Variants in ETNK1 observed in about 807,000 individuals in gnomAD.
ETNK1 encodes the protein ethanolamine kinase 1, also known as putative protein product of Nbla10396.
Under a neutral mutation model 45.1 loss-of-function variants are expected in ETNK1, and 8 were observed. The ratio of observed to expected loss-of-function variants is 0.18; its 90% CI spans 0.10 to 0.32. The LOEUF (loss-of-function observed/expected upper bound fraction) is 0.32, where lower values mean the gene tolerates loss of function less well. Ranked by LOEUF, ETNK1 falls within the 10% of genes least tolerant of loss-of-function variation. The pLI is 1.00. For missense variants in ETNK1, 302 were observed against 430.6 expected (o/e 0.70, Z 2.64); for synonymous variants, 152 against 151.9 (o/e 1.00, Z -0.01).
intron 6 of ETNK1, among the ~76,000 whole-genome samples, chr12:22,675,306 G>A (rs1329729644): frequency 1.3e-5 from 2 of 151,402 alleles, no homozygotes; most frequent in African/African-American, 2.4e-5. Flanking sequence ...GATTCTTCCC[G>A]GCTCAGCCTC....
intron 6 of ETNK1, among the ~76,000 whole-genome samples, chr12:22,682,746 C>T (rs1196257206): frequency 6.6e-6 from 1 of 152,098 alleles, no homozygotes; most frequent in African/African-American, 2.4e-5. Flanking sequence ...CTTAAGGTAA[C>T]AGTAGTTTCA....
At chr12:22,684,451 A>C in intron 6 of ETNK1, 32 bp from the exon 7 acceptor site, 2 of 1,493,828 alleles carry the variant, frequency 1.3e-6, no homozygotes, top group Non-Finnish European at 1.9e-6. Context: ...ATTCATTATC[A>C]TAATTTTTGA....
chr12:22,660,861 G>A (rs1953992557), intron 3 of ETNK1, among the ~76,000 whole-genome samples: 2 of 151,914 alleles, frequency 1.3e-5, no homozygotes, highest in South Asian at 4.1e-4. Flanking sequence ...TTTAATTGCT[G>A]CTCAGTTTCT....
At chr12:22,660,043 A>C (rs1182181033) in intron 3 of ETNK1, among the ~76,000 whole-genome samples, 2 of 151,826 alleles carry the variant, frequency 1.3e-5, no homozygotes, top group East Asian at 3.9e-4. Context: ...TTAAAAAAAA[A>C]AAAAAAAAAA....
chr12:22,669,505 T>C (rs1406470253), intron 4 of ETNK1, among the ~76,000 whole-genome samples: 1 of 152,160 alleles, frequency 6.6e-6, no homozygotes, highest in Non-Finnish European at 1.5e-5. Context: ...ACATTTGTAA[T>C]TTCCCTGGTC....
chr12:22,640,346 AC>A (rs1953719369), intron 1 of ETNK1, among the ~76,000 whole-genome samples: 1 of 151,840 alleles, frequency 6.6e-6, no homozygotes, highest in Admixed American at 6.6e-5. Context: ...ATAGGGTAGT[AC>A]TAACTTGAGA....
At chr12:22,683,588 A>G (rs1025445031) in intron 6 of ETNK1, among the ~76,000 whole-genome samples, 3 of 152,122 alleles carry the variant, frequency 2.0e-5, no homozygotes, top group African/African-American at 4.8e-5. Context: ...AAAGGTTGCA[A>G]AGGTACTCAG....
intron 3 of ETNK1, among the ~76,000 whole-genome samples, chr12:22,659,794 C>G (rs1162478753): frequency 6.6e-6 from 1 of 151,892 alleles, no homozygotes; most frequent in Non-Finnish European, 1.5e-5. Flanking sequence ...TATTTTTTCC[C>G]TAGGCTCTCC....
chr12:22,658,670 C>G (rs1222016459), intron 2 of ETNK1, among the ~76,000 whole-genome samples: 7 of 152,112 alleles, frequency 4.6e-5, no homozygotes, highest in Non-Finnish European at 1.0e-4. Context: ...ACCCAAGGAG[C>G]AGGGTCGGGG....
chr12:22,651,735 TGTGCAGTG>T (rs1156243177), intron 2 of ETNK1, among the ~76,000 whole-genome samples: 1 of 148,112 alleles, frequency 6.8e-6, no homozygotes, highest in African/African-American at 2.5e-5. Context: ...CCCAGCCTGG[TGTGCAGTG>T]GTGCCTCCCA....
At chr12:22,642,950 G>A (rs910845201) in intron 1 of ETNK1, among the ~76,000 whole-genome samples, 22 of 151,890 alleles carry the variant, frequency 1.4e-4, no homozygotes, top group African/African-American at 4.6e-4. Context: ...GAAATACACC[G>A]TCTGTGCTCA....
At chr12:22,650,428 T>C (rs554233143) in intron 2 of ETNK1, among the ~76,000 whole-genome samples, 1 of 152,044 alleles carries the variant, frequency 6.6e-6, no homozygotes, top group Non-Finnish European at 1.5e-5. Context: ...TTGTAGATAT[T>C]CTTTATCAGA....
chr12:22,659,542 C>G (rs546080166), intron 3 of ETNK1, among the ~76,000 whole-genome samples: 6 of 152,174 alleles, frequency 3.9e-5, no homozygotes, highest in African/African-American at 1.4e-4. Flanking sequence ...GAGATTAAAT[C>G]TTAGTCCTGC....
rs145299103 is a variant in ETNK1, at chr12:22,635,432, C to T, written c.157-8331C>T. Among the ~76,000 whole-genome samples the T allele has an allele frequency of 1.1e-3, 174 of 152,340 alleles. 1 individual carries two copies. The highest frequency in any genetic ancestry group is 4.1e-3 in the African/African-American group (170 of 41,576). ...AAGCTGATCTTGCTTTGTCTCCTCT[C>T]TGTGTAAGTAAAGCGTTGTTCCATG... On this transcript the variant is annotated intron_variant, in intron 1 of 7. Coordinates refer to ENST00000266517, the MANE Select transcript of ETNK1 (RefSeq NM_018638.5).
intron 6 of ETNK1, among the ~76,000 whole-genome samples, chr12:22,676,006 TAA>T (rs1269422859): frequency 6.6e-6 from 1 of 152,138 alleles, no homozygotes; most frequent in Non-Finnish European, 1.5e-5. Flanking sequence ...TTATTTCAAT[TAA>T]AAAAATTTTT....
chr12:22,674,102 TC>T (rs1954137804), intron 6 of ETNK1, among the ~76,000 whole-genome samples: 2 of 152,228 alleles, frequency 1.3e-5, no homozygotes. Context: ...TTATGACTTA[TC>T]CAGTGTTTTG....
At chr12:22,676,079 A>G (rs1232797585) in intron 6 of ETNK1, among the ~76,000 whole-genome samples, 3 of 152,204 alleles carry the variant, frequency 2.0e-5, no homozygotes, top group Non-Finnish European at 2.9e-5. Flanking sequence ...TTACATAGGT[A>G]TACATGTGCC....
chr12:22,637,609 T>C (rs919667328), intron 1 of ETNK1, among the ~76,000 whole-genome samples: 11 of 152,180 alleles, frequency 7.2e-5, no homozygotes, highest in African/African-American at 2.7e-4. Flanking sequence ...TTCCCATTCC[T>C]TGAGGGCTTT....
chr12:22,656,590 C>T (rs1953943820), intron 2 of ETNK1: 1 of 985,338 alleles, frequency 1.0e-6, no homozygotes, highest in Non-Finnish European at 1.2e-6. Flanking sequence ...TCTGCTCTCC[C>T]AGACATTTGC....
Sources: gnomAD v4.1 joint callset for allele counts (sites outside exome capture counted in the v4.1 genomes callset) on GRCh38, gnomAD v4.1.1 for gene constraint, MANE v1.5 for transcripts, NCBI Gene and HGNC (gene_info 2026-07-23, HGNC 2026-07-21) for gene names.